The following SLC6A13 variants were observed in gnomAD, a reference collection of about 807,000 sequenced individuals.
SLC6A13 encodes the protein solute carrier family 6 member 13.
A neutral mutation model predicts 72.9 loss-of-function variants in SLC6A13; 69 were observed. That is an observed-to-expected ratio of 0.95 (90% CI 0.78 to 1.16). SLC6A13 has a LOEUF of 1.16. Ranked by LOEUF, SLC6A13 falls within the 50% of genes most tolerant of loss-of-function variation. The pLI, the probability that SLC6A13 is intolerant of heterozygous loss-of-function variation, is 0.00. For missense variants in SLC6A13, 735 were observed against 760.5 expected, an observed-to-expected ratio of 0.97 and a Z score of 0.39; for synonymous variants, 303 against 303.0, an observed-to-expected ratio of 1.00 and a Z score of 0.00.
intron 3 of SLC6A13, 105 bp downstream of exon 3, chr12:243,574 G>T: frequency 8.8e-7 from 1 of 1,141,364 alleles, no homozygotes; most frequent in Non-Finnish European, 1.3e-6. Context: ...AGAGACTCGG[G>T]ATCTTATCTT....
chr12:221,887 C>T (rs1390798872), intron 13 of SLC6A13, among the ~76,000 whole-genome samples: 3 of 152,212 alleles, frequency 2.0e-5, no homozygotes, highest in African/African-American at 7.2e-5. Context: ...GGGTACAGGC[C>T]ATGCCTCCTT....
rs995069701 is a variant in SLC6A13 at position 259,878 on chromosome 12, G to A, written c.175C>T (p.Pro59Ser). Residue 59 changes from proline to serine, a missense_variant, in exon 2 of 15, where the codon CCC becomes TCC. Pro to Ser is a moderately conservative substitution (Grantham distance 74). Transcript: ENST00000343164. ...CCCCCATTTTTGTAGCAGAGATAGGGAAACCTCCAGACGTTGCCTAAGCCA... is the reference window on the plus strand; with the variant it reads ...CCCCCATTTTTGTAGCAGAGATAGGAAAACCTCCAGACGTTGCCTAAGCCA... ...IIGLGNVWRF[P>S]YLCYKNGGGA... 1 of 1,614,176 alleles carries A rather than the reference G, an allele frequency of 6.2e-7. No individual in the cohort carries two copies. Among genetic ancestry groups the A allele is most frequent in the Admixed American group, 1.7e-5 (1 of 60,022 alleles).
chr12:260,922 TA>T (rs1009785679), intron 1 of SLC6A13, among the ~76,000 whole-genome samples: 2 of 151,934 alleles, frequency 1.3e-5, no homozygotes, highest in African/African-American at 4.8e-5. Context: ...AAGCCGGTTT[TA>T]AAAAAAAATC....
intron 5 of SLC6A13, among the ~76,000 whole-genome samples, chr12:237,690 C>G (rs920023060): frequency 2.0e-5 from 3 of 152,094 alleles, no homozygotes; most frequent in Non-Finnish European, 2.9e-5. Flanking sequence ...CACACACTCT[C>G]TAACACGGGG....
intron 4 of SLC6A13, among the ~76,000 whole-genome samples, chr12:241,678 T>C (rs146023797): frequency 1.3e-5 from 2 of 152,372 alleles, no homozygotes; most frequent in African/African-American, 4.8e-5. Flanking sequence ...AGAACTACCA[T>C]ATTGGATAGT....
In SLC6A13 at chr12:221,429, T is replaced by G; in HGVS notation, c.1633A>C (p.Ile545Leu). 6.2e-7 allele frequency: 1 copy of G among 1,613,634 alleles called. No individual in the cohort carries two copies. The highest frequency in any genetic ancestry group is 8.5e-7 in the Non-Finnish European group (1 of 1,179,794). Reference sequence around the variant, plus strand: ...AGTCTGTAGAGGCTCCAGGCAGGAATGCAGACCATGGAGGACAGAGCCAGG... The same window carrying G: ...AGTCTGTAGAGGCTCCAGGCAGGAAGGCAGACCATGGAGGACAGAGCCAGG... ...WLLALSSMVC[I>L]PAWSLYRLGT... The change falls in exon 14 of 15, where the codon ATT (isoleucine) becomes CTT (leucine). Residue 545 changes from isoleucine (I) to leucine (L), a missense_variant. Physicochemically the swap from Ile to Leu is conservative, Grantham distance 5. Transcript: ENST00000343164.
intron 4 of SLC6A13, among the ~76,000 whole-genome samples, chr12:240,457 G>A (rs1397274354): frequency 1.3e-5 from 2 of 152,166 alleles, no homozygotes; most frequent in South Asian, 2.1e-4. Context: ...CACTGGCTTC[G>A]GCCTCCCAAA....
In SLC6A13 at chr12:224,360, C is replaced by T. The variant is rs760308204; in HGVS notation, c.1173+41G>A. ...GCTCCTCCTCCCCAGCACACACCCC[C>T]CCACTCATCTCTCAGCCTCTGAGTG... On this transcript the variant is annotated intron_variant, in intron 10 of 14. Transcript: ENST00000343164. The T allele has an allele frequency of 1.1e-5, 17 of 1,528,740 alleles. No homozygotes were observed. In the Admixed American group the frequency reaches 1.2e-4, roughly 11 times the overall value. 94.7% of individuals were successfully genotyped at this position (1,528,740 alleles called of 1,614,324 possible).
chr12:258,831 A>G (rs1475393613), intron 2 of SLC6A13, among the ~76,000 whole-genome samples: 1 of 152,224 alleles, frequency 6.6e-6, no homozygotes, highest in Non-Finnish European at 1.5e-5. Context: ...TGCTCCCCCT[A>G]CAACATGCAC....
Position 223,129 on chromosome 12 carries a change from C to T in SLC6A13, c.1414+3G>A. 1.3e-6 allele frequency: 2 copies of T among 1,597,322 alleles called. No homozygotes were observed. The highest frequency in any genetic ancestry group is 1.7e-6 in the Non-Finnish European group (2 of 1,165,154). On this transcript the variant is annotated splice_donor_region_variant and intron_variant, in intron 12 of 14. Coordinates refer to ENST00000343164, the MANE Select transcript of SLC6A13 (RefSeq NM_016615.5). ...GCTGGGACCTAGGGGAGGAGTCACT[C>T]ACCGTAAACCCAAGCCACACAGAGG...
rs1037223786 is a variant in SLC6A13 at position 254,723 on chromosome 12, C to G, written c.202+5128G>C. ...ATGCTAATGATCCCCAAATACACACCTCCAGCCAGATCTCTCTCACAAACC... is the reference window on the plus strand; with the variant it reads ...ATGCTAATGATCCCCAAATACACACGTCCAGCCAGATCTCTCTCACAAACC... On this transcript the variant is annotated intron_variant, in intron 2 of 14. Transcript: ENST00000343164. The surrounding 1 kb of genome is among the most constrained non-coding windows in gnomAD (Gnocchi z 4.4). Among the ~76,000 whole-genome samples, 8 of 152,222 alleles carry G rather than the reference C, an allele frequency of 5.3e-5. No individual in the cohort carries two copies. The highest frequency in any genetic ancestry group is 1.7e-4 in the African/African-American group (7 of 41,466).
chr12:229,636 G>A (rs1408859728), intron 7 of SLC6A13, among the ~76,000 whole-genome samples: 3 of 152,214 alleles, frequency 2.0e-5, no homozygotes, highest in African/African-American at 7.2e-5. Context: ...CCTTCATGAG[G>A]TCGGGCGCCC....
At chr12:251,233 C>G (rs574019740) in intron 2 of SLC6A13, among the ~76,000 whole-genome samples, 3 of 151,918 alleles carry the variant, frequency 2.0e-5, no homozygotes, top group African/African-American at 7.2e-5. Context: ...ATATTATCCT[C>G]AAGCACAGTA....
chr12:225,334 T>C lies in SLC6A13; in HGVS notation c.1061-821A>G, dbSNP rs756833514. Reference sequence around the variant, plus strand: ...CGAGTAGAGTGCCTCGCCCAGCACCTGGCGTACAGTCAACACTTAGAAAGT... The same window carrying C: ...CGAGTAGAGTGCCTCGCCCAGCACCCGGCGTACAGTCAACACTTAGAAAGT... On this transcript the variant is annotated intron_variant, in intron 9 of 14. Transcript: ENST00000343164. 2.0e-5 allele frequency among the ~76,000 whole-genome samples: 3 copies of C among 152,322 alleles called. No individual in the cohort carries two copies. In the East Asian group the frequency reaches 5.8e-4, roughly 29 times the overall value.
intron 2 of SLC6A13, among the ~76,000 whole-genome samples, chr12:252,112 A>C (rs906065951): frequency 2.0e-5 from 3 of 152,264 alleles, no homozygotes; most frequent in Admixed American, 6.5e-5. Flanking sequence ...GATACATGAA[A>C]ACTATAAATG....
At chr12:222,482 C>T (rs1448530683) in intron 13 of SLC6A13, 50 bp downstream of exon 13, 9 of 1,216,204 alleles carry the variant, frequency 7.4e-6, no homozygotes, top group Non-Finnish European at 1.1e-5. Flanking sequence ...CCCCTGCTAG[C>T]CACCGTCTCT....
intron 2 of SLC6A13, among the ~76,000 whole-genome samples, chr12:245,457 A>G (rs1942315373): frequency 6.6e-6 from 1 of 152,006 alleles, no homozygotes; most frequent in Admixed American, 6.6e-5. Flanking sequence ...TGAGGTGGAC[A>G]GATCACCAAG....
At chr12:243,563 T>G (rs892331349) in intron 3 of SLC6A13, 116 bp downstream of exon 3, 1 of 1,035,096 alleles carries the variant, frequency 9.7e-7, no homozygotes, top group African/African-American at 1.6e-5. Flanking sequence ...GGGTTTAGCA[T>G]AGAGACTCGG....
At chr12:223,435 T>G (rs1186244157) in intron 11 of SLC6A13, among the ~76,000 whole-genome samples, 1 of 152,212 alleles carries the variant, frequency 6.6e-6, no homozygotes, top group African/African-American at 2.4e-5. Context: ...TATTATTTTT[T>G]GGGACAGAAT....
Sources: allele counts gnomAD v4.1 joint callset (sites outside exome capture counted in the v4.1 genomes callset), GRCh38; gene constraint gnomAD v4.1.1; non-coding constraint Gnocchi (gnomAD v3.1); transcripts MANE v1.5; gene names NCBI Gene and HGNC (gene_info 2026-07-23, HGNC 2026-07-21).